The following COL11A1 variants were observed in gnomAD, a reference collection of about 807,000 sequenced individuals.
COL11A1 encodes the protein collagen type XI alpha 1 chain.
Under a neutral mutation model 265.2 loss-of-function variants are expected in COL11A1, and 74 were observed. The observed-to-expected ratio is 0.28, with a 90% CI of 0.23 to 0.34. COL11A1 has a LOEUF of 0.34. Ranked by LOEUF, COL11A1 falls within the 10% of genes least tolerant of loss-of-function variation. The pLI is 1.00. For synonymous variants in COL11A1, 816 were observed against 727.6 expected, an observed-to-expected ratio of 1.12 and a Z score of -1.96; for missense variants, 2,165 against 2,263.6, an observed-to-expected ratio of 0.96 and a Z score of 0.88.
intron 28 of COL11A1, among the ~76,000 whole-genome samples, chr1:102,994,050 T>C (rs959128029): frequency 1.3e-5 from 2 of 152,190 alleles, no homozygotes; most frequent in African/African-American, 4.8e-5. Context: ...CATAGTTGTT[T>C]ACTTTTAGTA....
At chr1:103,024,019 T>G (rs1557961092) in intron 7 of COL11A1, among the ~76,000 whole-genome samples, 1 of 152,178 alleles carries the variant, frequency 6.6e-6, no homozygotes, top group African/African-American at 2.4e-5. Flanking sequence ...AACTGATACC[T>G]TTTTTTCTCA....
intron 4 of COL11A1, among the ~76,000 whole-genome samples, chr1:103,032,937 T>C (rs1206295639): frequency 1.3e-5 from 2 of 152,152 alleles, no homozygotes; most frequent in African/African-American, 2.4e-5. Flanking sequence ...GTGGGCTTAG[T>C]ACAGCCACAG....
intron 14 of COL11A1, among the ~76,000 whole-genome samples, chr1:103,011,524 G>C (rs1258766814): frequency 6.6e-6 from 1 of 151,672 alleles, no homozygotes; most frequent in Non-Finnish European, 1.5e-5. Context: ...TAAAATCTTC[G>C]ATAAAATACA....
chr1:102,996,178 G>A (rs1664608218), intron 26 of COL11A1, 136 bp from the exon 27 acceptor site: 2 of 828,296 alleles, frequency 2.4e-6, no homozygotes, highest in Non-Finnish European at 3.8e-6. Context: ...CTTTTTGGTA[G>A]TTTACTCTTT....
chr1:102,913,219 A>T (rs1200941067), intron 53 of COL11A1, among the ~76,000 whole-genome samples: 4 of 152,140 alleles, frequency 2.6e-5, no homozygotes, highest in African/African-American at 7.2e-5. Context: ...AGTTTTTTTT[A>T]AAAAGGCCTA....
chr1:102,931,470 A>T (rs1557837159), intron 46 of COL11A1, among the ~76,000 whole-genome samples: 1 of 152,050 alleles, frequency 6.6e-6, no homozygotes, highest in Non-Finnish European at 1.5e-5. Context: ...GTTTGTTATA[A>T]TCTCTCTTCT....
rs1002599730 is a variant in COL11A1, at chr1:102,899,712, T to C, written c.4087-718A>G. Reference sequence around the variant, plus strand: ...TCCCTCAGACTGTCTTGTTTTTCCATTCATTTACCTTAATTTTCATAATAA... The same window carrying C: ...TCCCTCAGACTGTCTTGTTTTTCCACTCATTTACCTTAATTTTCATAATAA... On this transcript the variant is annotated intron_variant, in intron 54 of 66. Transcript: ENST00000370096. 2.0e-5 allele frequency among the ~76,000 whole-genome samples: 3 copies of C among 152,118 alleles called. No individual in the cohort carries two copies. In the East Asian group the frequency reaches 5.8e-4, roughly 29 times the overall value.
At chr1:103,106,539 A>G (rs1014924718) in intron 1 of COL11A1, among the ~76,000 whole-genome samples, 28 of 152,190 alleles carry the variant, frequency 1.8e-4, no homozygotes, top group African/African-American at 6.8e-4. Context: ...AGAATTGACC[A>G]ATCCAACCGG....
chr1:102,967,776 C>G (rs1661587450), intron 37 of COL11A1, among the ~76,000 whole-genome samples: 2 of 152,074 alleles, frequency 1.3e-5, no homozygotes, highest in Non-Finnish European at 2.9e-5. Flanking sequence ...AAAGGCAATT[C>G]CAAACTTTTT....
intron 46 of COL11A1, among the ~76,000 whole-genome samples, chr1:102,933,688 C>A (rs1214460867): frequency 4.6e-5 from 7 of 152,138 alleles, no homozygotes; most frequent in Admixed American, 2.0e-4. Flanking sequence ...CCTCCCCCAG[C>A]CTCGCTGCCA....
At chr1:102,960,006 G>T (rs1218942621) in intron 41 of COL11A1, among the ~76,000 whole-genome samples, 3 of 152,096 alleles carry the variant, frequency 2.0e-5, no homozygotes, top group African/African-American at 7.2e-5. Flanking sequence ...AATTTTAGAA[G>T]ATTCTATATC....
intron 14 of COL11A1, among the ~76,000 whole-genome samples, chr1:103,011,804 T>C (rs1258717923): frequency 6.6e-6 from 1 of 152,126 alleles, no homozygotes; most frequent in Non-Finnish European, 1.5e-5. Context: ...CTACACCACT[T>C]AACATTAGTA....
chr1:102,914,363 G>T lies in COL11A1; in HGVS notation c.3967C>A (p.Pro1323Thr), dbSNP rs377044024. The stretch of plus-strand genomic sequence containing the variant: ...TCCCTGATACTTACTGCAGGGCCAG[G>T]TTCCCCAGGAGGACCAGGATCTCCA... ...FPGDPGPPGEPGPAGQDGVGG... is the reference protein window; with the variant it reads ...FPGDPGPPGETGPAGQDGVGG... The change falls in exon 52 of 67, where the codon CCT becomes ACT. Residue 1323 changes from proline (P) to threonine (T), a missense_variant. By Grantham distance (38) the Pro-to-Thr change is conservative (BLOSUM62 -1). Transcript: ENST00000370096. 217 of 1,607,752 alleles carry T rather than the reference G, an allele frequency of 1.3e-4. 1 individual carries two copies. Among genetic ancestry groups the T allele is most frequent in the South Asian group, 2.1e-4 (19 of 89,834 alleles).
chr1:102,989,205 TCTAA>T (rs1336542306), intron 29 of COL11A1, among the ~76,000 whole-genome samples: 3 of 151,874 alleles, frequency 2.0e-5, no homozygotes, highest in Admixed American at 6.6e-5. Flanking sequence ...AGTAATTTGA[TCTAA>T]CTTTCTAATG....
intron 62 of COL11A1, among the ~76,000 whole-genome samples, chr1:102,888,274 T>C (rs1352621625): frequency 6.6e-6 from 1 of 152,090 alleles, no homozygotes; most frequent in Non-Finnish European, 1.5e-5. Flanking sequence ...CAAGTAAAAA[T>C]GTATCTTTAC....
chr1:102,901,149 T>G (rs2100940591), intron 54 of COL11A1, among the ~76,000 whole-genome samples: 1 of 151,864 alleles, frequency 6.6e-6, no homozygotes, highest in South Asian at 2.1e-4. Flanking sequence ...GTGAAACCCG[T>G]CTCTACTAAA....
At chr1:102,926,452 A>G (rs1186884903) in intron 46 of COL11A1, among the ~76,000 whole-genome samples, 2 of 152,188 alleles carry the variant, frequency 1.3e-5, no homozygotes, top group Non-Finnish European at 1.5e-5. Context: ...TGTAACCTGA[A>G]TATTAGATTA....
chr1:103,025,499 T>G (rs1287785319), intron 7 of COL11A1, 22 bp downstream of exon 7: 1 of 1,518,194 alleles, frequency 6.6e-7, no homozygotes, highest in Non-Finnish European at 9.1e-7. Context: ...GACTGTGATT[T>G]AATACTGTCT....
At chr1:102,914,855 A>G in intron 50 of COL11A1, 44 bp from the exon 51 acceptor site, 1 of 1,471,290 alleles carries the variant, frequency 6.8e-7, no homozygotes, top group Non-Finnish European at 9.4e-7. Flanking sequence ...AGGAAAGAAG[A>G]GTTATCTTAC....
Sources: gnomAD v4.1 joint callset for allele counts (sites outside exome capture counted in the v4.1 genomes callset) on GRCh38, gnomAD v4.1.1 for gene constraint, MANE v1.5 for transcripts, NCBI Gene and HGNC (gene_info 2026-07-23, HGNC 2026-07-21) for gene names.